ITGBL1: variants seen among roughly 807,000 people sequenced by gnomAD.
ITGBL1 encodes integrin subunit beta like 1, also known as integrin beta-like protein 1.
ITGBL1 carries 51 observed loss-of-function variants against 68.5 expected under a neutral mutation model. The observed-to-expected ratio is 0.74, with a 90% CI of 0.59 to 0.94. The LOEUF is 0.94. Ranked by LOEUF, ITGBL1 falls within the 40% of genes least tolerant of loss-of-function variation. The pLI, the probability that ITGBL1 is intolerant of heterozygous loss-of-function variation, is 0.00. For missense variants in ITGBL1, 649 were observed against 647.4 expected (o/e 1.00, Z -0.03); for synonymous variants, 209 against 227.3 (o/e 0.92, Z 0.72).
chr13:101,709,473 A>G (rs1466164367), intron 9 of ITGBL1, among the ~76,000 whole-genome samples: 1 of 151,576 alleles, frequency 6.6e-6, no homozygotes, highest in Non-Finnish European at 1.5e-5. Context: ...AGATGTTATC[A>G]GAGGGGAATG....
chr13:101,461,970 G>A (rs971172440), intron 2 of ITGBL1, among the ~76,000 whole-genome samples: 21 of 152,156 alleles, frequency 1.4e-4, no homozygotes, highest in African/African-American at 5.1e-4. Context: ...CTTTTCTGAA[G>A]ACTCTAGGAG....
chr13:101,580,148 T>G (rs2050430877), intron 5 of ITGBL1, among the ~76,000 whole-genome samples: 1 of 152,140 alleles, frequency 6.6e-6, no homozygotes, highest in African/African-American at 2.4e-5. Context: ...TCATTGCCTA[T>G]CCAATGGCAT....
chr13:101,486,691 T>C (rs901775192), intron 2 of ITGBL1, among the ~76,000 whole-genome samples: 74 of 152,320 alleles, frequency 4.9e-4, no homozygotes, highest in African/African-American at 1.7e-3. Context: ...CTTTGAAACT[T>C]CATGATGCTA....
chr13:101,544,315 C>G (rs2049774293), intron 2 of ITGBL1, among the ~76,000 whole-genome samples: 1 of 152,212 alleles, frequency 6.6e-6, no homozygotes, highest in African/African-American at 2.4e-5. Context: ...TGCTGGAGGT[C>G]CACTCCAGAC....
intron 2 of ITGBL1, among the ~76,000 whole-genome samples, chr13:101,496,972 A>C (rs1035726280): frequency 1.3e-5 from 2 of 152,140 alleles, no homozygotes; most frequent in Non-Finnish European, 2.9e-5. Flanking sequence ...AGGCATGTAG[A>C]TCATAGTAAA....
intron 2 of ITGBL1, among the ~76,000 whole-genome samples, chr13:101,508,765 T>G (rs2049066269): frequency 6.6e-6 from 1 of 152,172 alleles, no homozygotes; most frequent in South Asian, 2.1e-4. Flanking sequence ...AAGAAAGTTT[T>G]TGTCCAGAGC....
chr13:101,523,757 A>T (rs968953852), intron 2 of ITGBL1, among the ~76,000 whole-genome samples: 7 of 152,190 alleles, frequency 4.6e-5, no homozygotes, highest in African/African-American at 1.7e-4. Context: ...GCAGAAAAAA[A>T]ATTAAATCTT....
chr13:101,488,863 T>C (rs1355498048), intron 2 of ITGBL1, among the ~76,000 whole-genome samples: 1 of 152,226 alleles, frequency 6.6e-6, no homozygotes. Flanking sequence ...ATATTCCTTT[T>C]CTTTCATTTG....
intron 2 of ITGBL1, among the ~76,000 whole-genome samples, chr13:101,513,936 T>C (rs1254465266): frequency 6.6e-6 from 1 of 152,080 alleles, no homozygotes; most frequent in Non-Finnish European, 1.5e-5. Flanking sequence ...GAGAATGAAG[T>C]GCATATTTAA....
intron 7 of ITGBL1, among the ~76,000 whole-genome samples, chr13:101,662,979 A>G (rs1325022305): frequency 3.3e-5 from 5 of 152,126 alleles, no homozygotes; most frequent in Admixed American, 6.6e-5. Context: ...AGTAAATTCC[A>G]TTATTTGGAA....
chr13:101,599,014 G>T (rs1025510441), intron 7 of ITGBL1, among the ~76,000 whole-genome samples: 7 of 152,176 alleles, frequency 4.6e-5, no homozygotes, highest in African/African-American at 1.4e-4. Flanking sequence ...TTGTCACACC[G>T]ACTTCCACAA....
intron 7 of ITGBL1, among the ~76,000 whole-genome samples, chr13:101,601,284 C>T (rs1203906947): frequency 6.6e-6 from 1 of 151,914 alleles, no homozygotes; most frequent in African/African-American, 2.4e-5. Flanking sequence ...TGGTGATATC[C>T]CCTTTGTCAT....
At chr13:101,684,956 TCTGA>T (rs2033722894) in intron 7 of ITGBL1, among the ~76,000 whole-genome samples, 1 of 152,012 alleles carries the variant, frequency 6.6e-6, no homozygotes, top group African/African-American at 2.4e-5. Flanking sequence ...ATTGATGACG[TCTGA>T]CTATTTTTGA....
At chr13:101,519,820 A>G (rs2049255752) in intron 2 of ITGBL1, among the ~76,000 whole-genome samples, 1 of 152,158 alleles carries the variant, frequency 6.6e-6, no homozygotes. Flanking sequence ...GATTATGATG[A>G]TGGTGATACT....
chr13:101,620,522 TGACCCAA>T (rs1188694392), intron 7 of ITGBL1, among the ~76,000 whole-genome samples: 1 of 152,180 alleles, frequency 6.6e-6, no homozygotes, highest in African/African-American at 2.4e-5. Context: ...TAAATTGTCA[TGACCCAA>T]GAGGGCTACA....
At chr13:101,484,985 G>GA (rs1413729264) in intron 2 of ITGBL1, among the ~76,000 whole-genome samples, 1 of 152,000 alleles carries the variant, frequency 6.6e-6, no homozygotes, top group Admixed American at 6.6e-5. Context: ...AGCATCTAGA[G>GA]AAAAAACCGT....
chr13:101,609,596 G>T (rs1319120725), intron 7 of ITGBL1, among the ~76,000 whole-genome samples: 1 of 152,082 alleles, frequency 6.6e-6, no homozygotes, highest in African/African-American at 2.4e-5. Flanking sequence ...AGGTATTTAT[G>T]TTCCTTATTT....
intron 2 of ITGBL1, among the ~76,000 whole-genome samples, chr13:101,509,492 T>C (rs1227888847): frequency 6.6e-6 from 1 of 152,186 alleles, no homozygotes; most frequent in African/African-American, 2.4e-5. Context: ...CATAAATTAA[T>C]ATTCTACCCA....
intron 7 of ITGBL1, among the ~76,000 whole-genome samples, chr13:101,605,794 A>ATG (rs151329665): frequency 2.7e-5 from 4 of 150,588 alleles, no homozygotes; most frequent in South Asian, 2.1e-4. Context: ...ATGTGCGTAT[A>ATG]TGTACTCGTG....
Sources: allele counts gnomAD v4.1 joint callset (sites outside exome capture counted in the v4.1 genomes callset), GRCh38; gene constraint gnomAD v4.1.1; transcripts MANE v1.5; gene names NCBI Gene and HGNC (gene_info 2026-07-23, HGNC 2026-07-21).